Variants in EZH2 observed in about 807,000 individuals in gnomAD.
The protein encoded by EZH2 is histone-lysine N-methyltransferase EZH2.
EZH2 carries 18 observed loss-of-function variants against 98.4 expected under a neutral mutation model. The ratio of observed to expected loss-of-function variants is 0.18; its 90% CI spans 0.13 to 0.27. The LOEUF (loss-of-function observed/expected upper bound fraction) is 0.27. Among genes scored for constraint, EZH2 ranks in the 10% least tolerant of loss-of-function variants. EZH2 has a pLI of 1.00. For missense variants in EZH2, 470 were observed against 935.1 expected, an observed-to-expected ratio of 0.50 and a Z score of 6.49; for synonymous variants, 338 against 312.3, an observed-to-expected ratio of 1.08 and a Z score of -0.87.
At chr7:148,818,970 T>C (rs1292913908) in intron 9 of EZH2, 2 of 443,316 alleles carry the variant, frequency 4.5e-6, no homozygotes, top group Admixed American at 2.5e-5. Context: ...TGCTTAAAAA[T>C]AGGATACCTT....
chr7:148,878,813 C>T (rs897962394), intron 1 of EZH2, among the ~76,000 whole-genome samples: 13 of 152,130 alleles, frequency 8.5e-5, no homozygotes, highest in African/African-American at 2.9e-4. Context: ...ATGGAAGGAT[C>T]GCTTGAGCCC....
At chr7:148,878,564 T>A (rs982872172) in intron 1 of EZH2, among the ~76,000 whole-genome samples, 1 of 152,252 alleles carries the variant, frequency 6.6e-6, no homozygotes, top group African/African-American at 2.4e-5. Flanking sequence ...CCACATTTTG[T>A]TAATTCGCCT....
In EZH2 at chr7:148,810,538, C is replaced by A. The variant is rs899959401; in HGVS notation, c.1948-124G>T. The A allele has an allele frequency of 5.2e-6, 3 of 575,886 alleles. No homozygotes were observed. In the African/African-American group the frequency reaches 5.5e-5, roughly 11 times the overall value. The allele number at this position is 575,886 out of a possible 1,614,324, so 35.7% of individuals were successfully genotyped here. On this transcript the variant is annotated intron_variant, in intron 16 of 19. Coordinates refer to ENST00000320356, the MANE Select transcript of EZH2 (RefSeq NM_004456.5). Reference sequence around the variant, plus strand: ...GAAAACGCAACAAAAAGGGTCACTACAGCCAAGTTCTCTTTCCCATTCGGT... The same window carrying A: ...GAAAACGCAACAAAAAGGGTCACTAAAGCCAAGTTCTCTTTCCCATTCGGT...
At chr7:148,879,733 G>A (rs531625560) in intron 1 of EZH2, among the ~76,000 whole-genome samples, 7 of 152,072 alleles carry the variant, frequency 4.6e-5, no homozygotes, top group East Asian at 3.9e-4. Flanking sequence ...TTAGCCGAGC[G>A]TGGTGGCGCA....
At chr7:148,841,379 A>T (rs962943915) in intron 3 of EZH2, among the ~76,000 whole-genome samples, 3 of 152,156 alleles carry the variant, frequency 2.0e-5, no homozygotes, top group African/African-American at 7.2e-5. Flanking sequence ...ACCTAACAAG[A>T]CTCAACTCTC....
At chr7:148,839,066 A>AAGGC (rs1240407393) in intron 3 of EZH2, among the ~76,000 whole-genome samples, 1 of 128,750 alleles carries the variant, frequency 7.8e-6, no homozygotes, top group Non-Finnish European at 1.7e-5. Context: ...GGAAGGAAGG[A>AAGGC]AGGAAGGAAG....
At chr7:148,856,490 G>A (rs1816858080) in intron 1 of EZH2, among the ~76,000 whole-genome samples, 1 of 152,174 alleles carries the variant, frequency 6.6e-6, no homozygotes, top group African/African-American at 2.4e-5. Context: ...CAGAGGGCCT[G>A]GAAGCAGTGA....
At chr7:148,808,717 C>T (rs1251130898) in intron 19 of EZH2, among the ~76,000 whole-genome samples, 1 of 152,122 alleles carries the variant, frequency 6.6e-6, no homozygotes, top group Non-Finnish European at 1.5e-5. Context: ...AACCATGTTG[C>T]AGAAAAATCT....
chr7:148,877,329 T>TA (rs1453475358), intron 1 of EZH2, among the ~76,000 whole-genome samples: 1 of 152,206 alleles, frequency 6.6e-6, no homozygotes, highest in Non-Finnish European at 1.5e-5. Context: ...TAAATTGAAA[T>TA]AGATAAAACG....
At chr7:148,860,549 G>T (rs1407654278) in intron 1 of EZH2, among the ~76,000 whole-genome samples, 1 of 151,856 alleles carries the variant, frequency 6.6e-6, no homozygotes, top group African/African-American at 2.4e-5. Flanking sequence ...AAGTAAGTAA[G>T]AACACCATTA....
intron 12 of EZH2, among the ~76,000 whole-genome samples, chr7:148,816,147 G>C (rs1202766773): frequency 6.6e-6 from 1 of 152,106 alleles, no homozygotes; most frequent in East Asian, 1.9e-4. Flanking sequence ...GGGGAGATTA[G>C]AGCAGATAGT....
intron 19 of EZH2, 56 bp from the exon 20 acceptor site, chr7:148,807,762 A>AGACCT (rs1801859338): frequency 1.8e-6 from 2 of 1,123,242 alleles, no homozygotes; most frequent in African/African-American, 1.6e-5. Context: ...ACATGTGCTG[A>AGACCT]GACTTAACAC....
At chr7:148,862,670 A>C (rs1817861728) in intron 1 of EZH2, among the ~76,000 whole-genome samples, 1 of 152,174 alleles carries the variant, frequency 6.6e-6, no homozygotes, top group South Asian at 2.1e-4. Context: ...CTCAAAACCC[A>C]ACATACCTCA....
chr7:148,816,566 G>A (rs2129471075), intron 12 of EZH2, 118 bp downstream of exon 12: 1 of 661,270 alleles, frequency 1.5e-6, no homozygotes, highest in South Asian at 1.9e-5. Context: ...GTTTTTGATG[G>A]CAGTTTAAGG....
intron 1 of EZH2, chr7:148,850,562 A>T (rs1815461009): frequency 2.6e-6 from 1 of 387,082 alleles, no homozygotes; most frequent in Non-Finnish European, 3.5e-6. Context: ...TACCAATTAA[A>T]AGGATGTTTT....
intron 1 of EZH2, among the ~76,000 whole-genome samples, chr7:148,867,817 C>T (rs943319756): frequency 3.3e-5 from 5 of 152,222 alleles, no homozygotes; most frequent in African/African-American, 4.8e-5. Context: ...AGCAGCCAGG[C>T]CACTTCTTGA....
At chr7:148,870,179 C>T (rs1185199352) in intron 1 of EZH2, among the ~76,000 whole-genome samples, 2 of 152,222 alleles carry the variant, frequency 1.3e-5, no homozygotes, top group East Asian at 1.9e-4. Context: ...TACGCCAGTT[C>T]AAGCAACACT....
intron 3 of EZH2, among the ~76,000 whole-genome samples, chr7:148,839,108 A>AAGGAAGGAAG (rs1562998145): frequency 5.9e-5 from 4 of 68,184 alleles, no homozygotes; most frequent in African/African-American, 1.1e-4. Context: ...AAGGAAGGAA[A>AAGGAAGGAAG]GTGAGTGAGC....
chr7:148,850,927 G>A (rs995676491), intron 1 of EZH2, among the ~76,000 whole-genome samples: 28 of 152,080 alleles, frequency 1.8e-4, no homozygotes, highest in African/African-American at 5.3e-4. Flanking sequence ...ACAATATATT[G>A]TTACAAAAGT....
Sources: gnomAD v4.1 joint callset for allele counts (sites outside exome capture counted in the v4.1 genomes callset) on GRCh38, gnomAD v4.1.1 for gene constraint, MANE v1.5 for transcripts, NCBI Gene and HGNC (gene_info 2026-07-23, HGNC 2026-07-21) for gene names.